The following PCDHA8 variants were observed in gnomAD, a reference collection of about 807,000 sequenced individuals.
The protein encoded by PCDHA8 is protocadherin alpha 8.
Under a neutral mutation model 61.8 loss-of-function variants are expected in PCDHA8, and 53 were observed. The observed-to-expected ratio is 0.86, with a 90% CI of 0.69 to 1.08. The LOEUF (loss-of-function observed/expected upper bound fraction) is 1.08, where lower values mean the gene tolerates loss of function less well. Ranked by LOEUF, PCDHA8 falls within the 50% of genes least tolerant of loss-of-function variation. PCDHA8 has a pLI of 0.00. For synonymous variants in PCDHA8, 618 were observed against 556.6 expected, an observed-to-expected ratio of 1.11 and a Z score of -1.55; for missense variants, 1,293 against 1,245.0, an observed-to-expected ratio of 1.04 and a Z score of -0.58.
intron 2 of PCDHA8, among the ~76,000 whole-genome samples, chr5:140,981,130 CAA>C (rs1267278229): frequency 6.6e-6 from 1 of 152,186 alleles, no homozygotes; most frequent in East Asian, 1.9e-4. Flanking sequence ...TGTTTGAAGT[CAA>C]AGAGTGAGAA....
intron 1 of PCDHA8, among the ~76,000 whole-genome samples, chr5:140,892,079 G>A (rs985463495): frequency 2.0e-5 from 3 of 152,066 alleles, no homozygotes; most frequent in Admixed American, 6.6e-5. Context: ...ATAATTTCTA[G>A]TTTCCTCTCG....
intron 1 of PCDHA8, among the ~76,000 whole-genome samples, chr5:140,908,655 G>C (rs1419890192): frequency 6.6e-6 from 1 of 152,176 alleles, no homozygotes; most frequent in East Asian, 1.9e-4. Context: ...ATGGGGGCCT[G>C]CCAAAGGCTC....
Position 140,842,631 on chromosome 5 carries a change from C to A in PCDHA8, c.1310C>A (p.Ala437Asp). 1.9e-6 allele frequency: 3 copies of A among 1,595,224 alleles called. No homozygotes were observed. Among genetic ancestry groups the A allele is most frequent in the Non-Finnish European group, 2.6e-6 (3 of 1,165,464 alleles). ...ARDGGSPSLWATASLSVEVAD... is the reference protein window; with the variant it reads ...ARDGGSPSLWDTASLSVEVAD... ...GACGGGGGCTCGCCTTCGCTGTGGG[C>A]CACCGCCAGCTTGTCTGTGGAGGTG... Residue 437 changes from alanine (A) to aspartate (D), a missense_variant, in exon 1 of 4, where the codon GCC (alanine) becomes GAC (aspartate). Transcript: ENST00000531613.
intron 1 of PCDHA8, chr5:140,884,355 T>A (rs1562803326): frequency 1.9e-6 from 3 of 1,613,922 alleles, no homozygotes; most frequent in East Asian, 2.2e-5. Context: ...CTGGTGGATG[T>A]CAATGTTTAC....
chr5:140,869,973 C>G, intron 1 of PCDHA8: 2 of 1,613,100 alleles, frequency 1.2e-6, no homozygotes, highest in African/African-American at 1.3e-5. Flanking sequence ...ATGGAAGACA[C>G]TTATTTACAC....
At chr5:140,928,453 T>C in intron 1 of PCDHA8, 1 of 1,613,888 alleles carries the variant, frequency 6.2e-7, no homozygotes, top group Non-Finnish European at 8.5e-7. Context: ...GCTCAGGGGG[T>C]TTCATTTCCA....
intron 3 of PCDHA8, among the ~76,000 whole-genome samples, chr5:140,992,722 C>T (rs1455058842): frequency 1.3e-5 from 2 of 152,154 alleles, no homozygotes; most frequent in Non-Finnish European, 2.9e-5. Context: ...ATTCGTAAAT[C>T]CCACCTGCTT....
intron 1 of PCDHA8, chr5:140,883,321 C>T: frequency 6.2e-7 from 1 of 1,614,120 alleles, no homozygotes; most frequent in South Asian, 1.1e-5. Flanking sequence ...CAGAGGTTAC[C>T]ATCACTTCTT....
chr5:140,905,327 T>G (rs1446614190), intron 1 of PCDHA8, among the ~76,000 whole-genome samples: 1 of 152,202 alleles, frequency 6.6e-6, no homozygotes, highest in Non-Finnish European at 1.5e-5. Flanking sequence ...TATGCTTTGT[T>G]GAAGATCAGT....
At chr5:140,910,387 T>C (rs540534807) in intron 1 of PCDHA8, among the ~76,000 whole-genome samples, 1 of 152,158 alleles carries the variant, frequency 6.6e-6, no homozygotes, top group Admixed American at 6.6e-5. Context: ...CCTTTGACAG[T>C]TGACTGGCCC....
chr5:140,872,477 A>G (rs968507113), intron 1 of PCDHA8, among the ~76,000 whole-genome samples: 3 of 152,118 alleles, frequency 2.0e-5, no homozygotes, highest in African/African-American at 7.2e-5. Flanking sequence ...AAATTAAAAA[A>G]TTAGCCAGAC....
At chr5:140,902,540 C>T (rs2069538388) in intron 1 of PCDHA8, among the ~76,000 whole-genome samples, 1 of 151,900 alleles carries the variant, frequency 6.6e-6, no homozygotes, top group South Asian at 2.1e-4. Context: ...GAGGTATGTT[C>T]CTTCTATACC....
At chr5:140,963,319 G>T (rs1554226565) in intron 1 of PCDHA8, among the ~76,000 whole-genome samples, 1 of 152,174 alleles carries the variant, frequency 6.6e-6, no homozygotes, top group East Asian at 1.9e-4. Flanking sequence ...GTTTGTATTA[G>T]AATTACACAG....
intron 1 of PCDHA8, chr5:140,862,883 G>T: frequency 1.8e-6 from 1 of 566,460 alleles, no homozygotes. Flanking sequence ...ATTAGTGCTG[G>T]AACGACAACT....
intron 1 of PCDHA8, among the ~76,000 whole-genome samples, chr5:140,918,244 T>C (rs1554198493): frequency 6.6e-6 from 1 of 152,236 alleles, no homozygotes; most frequent in South Asian, 2.1e-4. Flanking sequence ...TGATTTTGTA[T>C]GCTGAAACTT....
chr5:140,884,057 G>A (rs141156800), intron 1 of PCDHA8: 6 of 1,613,540 alleles, frequency 3.7e-6, no homozygotes, highest in Non-Finnish European at 5.1e-6. Context: ...GGTGCGCGCG[G>A]TGGACGCCGA....
chr5:140,857,164 C>T, intron 1 of PCDHA8: 1 of 1,598,342 alleles, frequency 6.3e-7, no homozygotes, highest in Non-Finnish European at 8.6e-7. Context: ...CCCTAATCAG[C>T]GTTTCTGACC....
In PCDHA8 at chr5:140,849,729, G is replaced by A. The variant is rs1180272167; in HGVS notation, c.2394+6014G>A. On this transcript the variant is annotated intron_variant, in intron 1 of 3. Transcript: ENST00000531613. ...TTACTACTCGTTGGTGCTGGACAGA[G>A]CTCTGGACCGCGAGAGTGTGTCCGC... 5.6e-6 allele frequency: 9 copies of A among 1,598,378 alleles called. 1 individual carries two copies. Among genetic ancestry groups the A allele is most frequent in the Non-Finnish European group, 7.7e-6 (9 of 1,168,014 alleles).
rs371505360 is a variant in PCDHA8, at chr5:140,882,840, C to T, written c.2394+39125C>T. 3.2e-5 allele frequency: 51 copies of T among 1,614,214 alleles called. 1 individual carries two copies. The African/African-American group carries it at 5.6e-4, about 18-fold the overall frequency. ...CAAAACAGTCTTGAGCAAATGTCTTCATTATCACTTGTACTGAGGAAAACA... is the reference window on the plus strand; with the variant it reads ...CAAAACAGTCTTGAGCAAATGTCTTTATTATCACTTGTACTGAGGAAAACA... On this transcript the variant is annotated intron_variant, in intron 1 of 3. Transcript: ENST00000531613.
Sources: allele counts gnomAD v4.1 joint callset (sites outside exome capture counted in the v4.1 genomes callset), GRCh38; gene constraint gnomAD v4.1.1; transcripts MANE v1.5; gene names NCBI Gene and HGNC (gene_info 2026-07-23, HGNC 2026-07-21).